Variants in ZNF461 observed in about 807,000 individuals in gnomAD.
ZNF461 encodes zinc finger protein 461.
Under a neutral mutation model 18.3 loss-of-function variants are expected in ZNF461, and 16 were observed. The observed-to-expected ratio is 0.88, with a 90% CI of 0.59 to 1.33. The LOEUF (loss-of-function observed/expected upper bound fraction) is 1.33. Ranked by LOEUF, ZNF461 falls within the 40% of genes most tolerant of loss-of-function variation. The probability of loss-of-function intolerance (pLI) is 0.00; values close to 1 mark genes in which losing one functional copy is unlikely to be tolerated. For missense variants in ZNF461, 595 were observed against 669.9 expected, an observed-to-expected ratio of 0.89 and a Z score of 1.23; for synonymous variants, 179 against 216.9, an observed-to-expected ratio of 0.83 and a Z score of 1.54.
In ZNF461 at chr19:36,664,694, T is replaced by C; in HGVS notation, c.9+4A>G. On this transcript the variant is annotated splice_donor_region_variant and intron_variant, in intron 2 of 5. Transcript: ENST00000588268. ...TAATTAGGAGCAAGAAAAAACCAAC[T>C]TACATGGGCCATGTCTTATTTTAGA... 6.6e-7 allele frequency: 1 copy of C among 1,514,992 alleles called. No homozygotes were observed. Among genetic ancestry groups the C allele is most frequent in the Non-Finnish European group, 8.8e-7 (1 of 1,139,298 alleles). 93.8% of individuals were successfully genotyped at this position (1,514,992 alleles called of 1,614,324 possible). A position where few individuals can be genotyped will look rare whatever the true frequency, so the allele number is the denominator to read the frequency against.
intron 2 of ZNF461, among the ~76,000 whole-genome samples, chr19:36,661,332 G>A (rs1245177696): frequency 6.6e-6 from 1 of 151,058 alleles, no homozygotes; most frequent in African/African-American, 2.4e-5. Flanking sequence ...TACCTGAAGT[G>A]TTCTAAAATG....
At chr19:36,666,176 C>A (rs909886177) in intron 1 of ZNF461, among the ~76,000 whole-genome samples, 1 of 151,262 alleles carries the variant, frequency 6.6e-6, no homozygotes, top group African/African-American at 2.4e-5. Context: ...CTCACAGCAA[C>A]CTCCGCCTCC....
intron 4 of ZNF461, among the ~76,000 whole-genome samples, chr19:36,644,293 G>A (rs1045421616): frequency 6.6e-6 from 1 of 151,362 alleles, no homozygotes; most frequent in African/African-American, 2.4e-5. Context: ...TTTTGAGATG[G>A]AGTCTCGCTC....
Position 36,639,554 on chromosome 19 carries a change from A to G in ZNF461, c.791T>C (p.Leu264Pro). The change falls in exon 6 of 6, where the codon CTA becomes CCA. Residue 264 changes from leucine to proline, a missense_variant. Transcript: ENST00000588268. ...GCGTTTTTCACCATTATGAATTCTT[A>G]GATGTTTAAGTTGTGAGCAATGAAC... Reference protein sequence around the residue: ...AFVHCSQLKHLRIHNGEKRYE... With the variant: ...AFVHCSQLKHPRIHNGEKRYE... The G allele has an allele frequency of 6.2e-7, 1 of 1,613,170 alleles. No homozygotes were observed. The highest frequency in any genetic ancestry group is 1.1e-5 in the South Asian group (1 of 91,034).
chr19:36,652,070 TGAG>T (rs1171914114), intron 4 of ZNF461, among the ~76,000 whole-genome samples: 2 of 152,142 alleles, frequency 1.3e-5, no homozygotes, highest in Admixed American at 1.3e-4. Context: ...GCTATTCACT[TGAG>T]AAGGGATAAC....
chr19:36,656,302 A>G (rs1452806285), intron 4 of ZNF461, 146 bp downstream of exon 4: 1 of 725,100 alleles, frequency 1.4e-6, no homozygotes, highest in East Asian at 2.7e-5. Flanking sequence ...TCTTTATGCC[A>G]GTACCACACT....
chr19:36,642,752 G>T (rs2037449083), intron 5 of ZNF461, among the ~76,000 whole-genome samples: 1 of 133,902 alleles, frequency 7.5e-6, no homozygotes, highest in African/African-American at 2.8e-5. Flanking sequence ...GTGTGTGTGT[G>T]TTTTTGGTGG....
chr19:36,662,028 T>C (rs1270556046), intron 2 of ZNF461, among the ~76,000 whole-genome samples: 2 of 151,756 alleles, frequency 1.3e-5, no homozygotes, highest in African/African-American at 4.8e-5. Flanking sequence ...TGCCACCACG[T>C]CTGGCTAATT....
intron 4 of ZNF461, among the ~76,000 whole-genome samples, chr19:36,646,077 C>T (rs1436898785): frequency 1.2e-4 from 19 of 152,264 alleles, no homozygotes; most frequent in Non-Finnish European, 1.5e-5. Context: ...GCCACCGTGC[C>T]TGGCCAGATT....
chr19:36,655,967 G>A lies in ZNF461; in HGVS notation c.232+481C>T, dbSNP rs555590309. On this transcript the variant is annotated intron_variant, in intron 4 of 5. Coordinates refer to ENST00000588268, the MANE Select transcript of ZNF461 (RefSeq NM_153257.5). ...ACTATTTATGCAAGGGTTTATTTCT[G>A]GGCTTTCTATTCTATTCCTTTAGAA... 2.1e-3 allele frequency among the ~76,000 whole-genome samples: 321 copies of A among 151,448 alleles called. 1 individual carries two copies. Among genetic ancestry groups the A allele is most frequent in the African/African-American group, 7.6e-3 (315 of 41,384 alleles).
In ZNF461 at chr19:36,638,243, G is replaced by T. The variant is rs988990847; in HGVS notation, c.*410C>A. Reference sequence around the variant, plus strand: ...GACGCTGTCAAATGTCTGTATGGGGGTAAAAGCTCCTCCAAACACATGCAA... The same window carrying T: ...GACGCTGTCAAATGTCTGTATGGGGTTAAAAGCTCCTCCAAACACATGCAA... On this transcript the variant is annotated 3_prime_UTR_variant, in exon 6 of 6. Coordinates refer to ENST00000588268, the MANE Select transcript of ZNF461 (RefSeq NM_153257.5). 5 of 177,240 alleles carry T rather than the reference G, an allele frequency of 2.8e-5. No homozygotes were observed. Among genetic ancestry groups the T allele is most frequent in the Non-Finnish European group, 4.8e-5 (4 of 83,558 alleles). 11.0% of individuals were successfully genotyped at this position (177,240 alleles called of 1,614,324 possible). A position where few individuals can be genotyped will look rare whatever the true frequency, so the allele number is the denominator to read the frequency against.
At chr19:36,663,828 C>A (rs1249294118) in intron 2 of ZNF461, among the ~76,000 whole-genome samples, 1 of 152,060 alleles carries the variant, frequency 6.6e-6, no homozygotes, top group Non-Finnish European at 1.5e-5. Context: ...CCGTGCCTGG[C>A]TTTTATCATG....
intron 4 of ZNF461, among the ~76,000 whole-genome samples, chr19:36,655,116 C>T (rs1282999683): frequency 6.6e-6 from 1 of 152,106 alleles, no homozygotes; most frequent in African/African-American, 2.4e-5. Flanking sequence ...GTCTGCTGAA[C>T]ATCTGGGACT....
intron 4 of ZNF461, chr19:36,645,060 AAAAAAT>A (rs1430760110): frequency 6.6e-6 from 1 of 152,308 alleles, no homozygotes; most frequent in Non-Finnish European, 1.5e-5. Context: ...CTCTACTAAA[AAAAAAT>A]AAAAATAGAA....
intron 2 of ZNF461, among the ~76,000 whole-genome samples, chr19:36,662,499 C>A (rs1286047103): frequency 1.3e-5 from 2 of 152,036 alleles, no homozygotes; most frequent in Non-Finnish European, 2.9e-5. Flanking sequence ...TCGTGATCCG[C>A]CCGCCTCAGC....
intron 4 of ZNF461, among the ~76,000 whole-genome samples, chr19:36,651,274 C>T (rs74590517): frequency 6.3e-4 from 93 of 147,934 alleles, no homozygotes; most frequent in Middle Eastern, 3.6e-3. Context: ...GAGCTAACAT[C>T]ATACATAATG....
intron 2 of ZNF461, among the ~76,000 whole-genome samples, chr19:36,659,290 C>T (rs1193226711): frequency 6.6e-6 from 1 of 152,234 alleles, no homozygotes; most frequent in Non-Finnish European, 1.5e-5. Flanking sequence ...TGGAACAGAG[C>T]TGAGCGATCC....
chr19:36,663,563 A>T (rs1318826099), intron 2 of ZNF461, among the ~76,000 whole-genome samples: 1 of 141,984 alleles, frequency 7.0e-6, no homozygotes, highest in African/African-American at 2.6e-5. Flanking sequence ...CTTGTCACCC[A>T]GGCTGGAGTG....
At chr19:36,657,769 A>C (rs1163622386) in intron 3 of ZNF461, 1 of 152,330 alleles carries the variant, frequency 6.6e-6, no homozygotes, top group Non-Finnish European at 1.5e-5. Context: ...TAAGAACGAA[A>C]CTCCGTCTCA....
Sources: allele counts gnomAD v4.1 joint callset (sites outside exome capture counted in the v4.1 genomes callset), GRCh38; gene constraint gnomAD v4.1.1; transcripts MANE v1.5; gene names NCBI Gene and HGNC (gene_info 2026-07-23, HGNC 2026-07-21).